The following FAM120A variants were observed in gnomAD, a reference collection of about 807,000 sequenced individuals.
FAM120A encodes the protein family with sequence similarity 120 member A.
In FAM120A, 15 loss-of-function variants were observed where a neutral mutation model predicts 109.7. The ratio of observed to expected loss-of-function variants is 0.14; its 90% confidence interval spans 0.09 to 0.21. FAM120A has a LOEUF of 0.21. Among genes scored for constraint, FAM120A ranks in the 10% least tolerant of loss-of-function variants. The probability of loss-of-function intolerance (pLI) is 1.00; values close to 1 mark genes in which losing one functional copy is unlikely to be tolerated. For synonymous variants in FAM120A, 493 were observed against 572.8 expected (o/e 0.86, Z 1.99); for missense variants, 899 against 1,439.3 (o/e 0.62, Z 6.07).
In FAM120A at chr9:93,476,168, A is replaced by G. The variant is rs1858539986; in HGVS notation, c.722-88A>G. The G allele has an allele frequency of 2.0e-5, 16 of 814,994 alleles. No homozygotes were observed. In the South Asian group the frequency reaches 2.4e-4, roughly 12 times the overall value. 50.5% of individuals were successfully genotyped at this position (814,994 alleles called of 1,614,324 possible). ...CTCAGTTTCTGTTTGAAAGTTTTCT[A>G]CTATAGGTGACAATATGCAGCACTT... On this transcript the variant is annotated intron_variant, in intron 2 of 17. Transcript: ENST00000277165.
At chr9:93,513,377 C>T (rs752504217) in intron 5 of FAM120A, among the ~76,000 whole-genome samples, 1 of 152,152 alleles carries the variant, frequency 6.6e-6, no homozygotes, top group African/African-American at 2.4e-5. Flanking sequence ...TGTATCTACG[C>T]CTGTGTGTGA....
At position 93,562,221 on chromosome 9, in the gene FAM120A, G is replaced by C. The variant is rs1862492832; in HGVS notation, c.2962G>C (p.Val988Leu). 1 of 1,613,952 alleles carries C rather than the reference G, an allele frequency of 6.2e-7. No homozygotes were observed. Among genetic ancestry groups the C allele is most frequent in the African/African-American group, 1.3e-5 (1 of 74,932 alleles). ...TCATTCATTTAGGCGTCCAAGAGGAGTTATTTCCACCCCAGTGATTAGAAC... is the reference window on the plus strand; with the variant it reads ...TCATTCATTTAGGCGTCCAAGAGGACTTATTTCCACCCCAGTGATTAGAAC... ...GGPARGRPRG[V>L]ISTPVIRTFG... The change falls in exon 17 of 18, where the codon GTT becomes CTT. Residue 988 changes from valine to leucine, a missense_variant. This residue lies in a region of FAM120A where 170 missense variants were observed against 205.0 expected (regional missense o/e 0.83). Transcript: ENST00000277165.
At chr9:93,550,076 G>A (rs1029928669) in intron 11 of FAM120A, among the ~76,000 whole-genome samples, 5 of 152,150 alleles carry the variant, frequency 3.3e-5, no homozygotes, top group African/African-American at 7.2e-5. Context: ...TCTGACTCCC[G>A]CTCACCTTGT....
At chr9:93,495,049 C>T (rs1054661368) in intron 3 of FAM120A, among the ~76,000 whole-genome samples, 10 of 152,210 alleles carry the variant, frequency 6.6e-5, no homozygotes, top group African/African-American at 2.4e-4. Context: ...TCCCATGATT[C>T]TGTACATCAG....
In FAM120A at chr9:93,452,072, TG is replaced by T. The variant is rs1207417481; in HGVS notation, c.158del (p.Cys53SerfsTer118). On this transcript the variant is annotated frameshift_variant, in exon 1 of 18. Transcript: ENST00000277165. LOFTEE classifies it high-confidence loss of function. The surrounding 1 kb of genome is among the most constrained non-coding windows in gnomAD (Gnocchi z 7.0). ...PLRLLVDADN[C>X]LHRLYGGFYT... The stretch of plus-strand genomic sequence containing the variant: ...GCGCCTGCTGGTGGACGCCGACAAC[TG>T]CCTGCACCGCCTCTACGGCGGCTTC... The T allele has an allele frequency of 6.2e-7, 1 of 1,601,870 alleles. No individual in the cohort carries two copies. The highest frequency in any genetic ancestry group is 8.5e-7 in the Non-Finnish European group (1 of 1,175,308).
intron 5 of FAM120A, among the ~76,000 whole-genome samples, chr9:93,505,051 G>GTTTTTTT (rs768552939): frequency 3.7e-5 from 3 of 81,322 alleles, no homozygotes; most frequent in East Asian, 3.3e-4. Context: ...GTTCGCTTGT[G>GTTTTTTT]TTTTTTTTTT....
At chr9:93,529,922 T>G (rs1332480943) in intron 9 of FAM120A, 1 of 520,746 alleles carries the variant, frequency 1.9e-6, no homozygotes, top group East Asian at 3.2e-5. Flanking sequence ...TGCTGTAATG[T>G]CAGGTTTAAT....
chr9:93,516,315 C>T (rs1230925455), intron 7 of FAM120A, 46 bp downstream of exon 7: 29 of 1,593,222 alleles, frequency 1.8e-5, no homozygotes, highest in Admixed American at 3.4e-5. Context: ...GGGTAGTGAC[C>T]TGGGGAAGCT....
At chr9:93,471,651 T>C (rs879194600) in intron 2 of FAM120A, among the ~76,000 whole-genome samples, 1 of 152,218 alleles carries the variant, frequency 6.6e-6, no homozygotes, top group African/African-American at 2.4e-5. Context: ...TCATTTAAGG[T>C]TTTGGAAAAC....
At chr9:93,486,140 T>C (rs1013118338) in intron 3 of FAM120A, among the ~76,000 whole-genome samples, 1 of 151,964 alleles carries the variant, frequency 6.6e-6, no homozygotes, top group African/African-American at 2.4e-5. Flanking sequence ...ACTGGGCTAA[T>C]GTTTTATTTT....
chr9:93,482,427 G>A (rs1452493102), intron 3 of FAM120A, among the ~76,000 whole-genome samples: 1 of 152,122 alleles, frequency 6.6e-6, no homozygotes, highest in African/African-American at 2.4e-5. Flanking sequence ...CTGAGCTCAC[G>A]CAATCCGCCT....
chr9:93,550,604 C>T lies in FAM120A; in HGVS notation c.2187C>T (p.Arg729=), dbSNP rs373216715. The T allele has an allele frequency of 3.3e-5, 54 of 1,613,764 alleles. No individual in the cohort carries two copies. The highest frequency in any genetic ancestry group is 4.5e-5 in the Non-Finnish European group (53 of 1,180,018). ...LRYMVQWPGA[R]ILRRQELDAF... is the part of the protein sequence containing the mutation. ...ACATGGTGCAGTGGCCGGGAGCACG[C>T]ATCCTTCGGCGTCAGGAGCTAGATG... The change falls in exon 12 of 18, where the codon CGC becomes CGT. Residue 729 remains arginine, a synonymous_variant. Transcript: ENST00000277165.
intron 17 of FAM120A, among the ~76,000 whole-genome samples, chr9:93,562,706 C>T (rs576213717): frequency 4.0e-5 from 6 of 149,252 alleles, no homozygotes; most frequent in African/African-American, 1.5e-4. Flanking sequence ...GCTCTATTGC[C>T]CAGGCTGGAG....
intron 3 of FAM120A, among the ~76,000 whole-genome samples, chr9:93,488,241 A>G (rs185570385): frequency 5.3e-5 from 8 of 152,168 alleles, no homozygotes; most frequent in East Asian, 1.9e-4. Flanking sequence ...TGTGTTTCCA[A>G]TGGTAGCTCC....
intron 7 of FAM120A, among the ~76,000 whole-genome samples, chr9:93,521,127 T>G (rs548771436): frequency 1.3e-5 from 2 of 152,312 alleles, no homozygotes; most frequent in East Asian, 3.9e-4. Flanking sequence ...TCTTGCCACA[T>G]AGTTGTGCCT....
chr9:93,509,158 A>G (rs928459903), intron 5 of FAM120A, among the ~76,000 whole-genome samples: 19 of 152,260 alleles, frequency 1.2e-4, no homozygotes, highest in Non-Finnish European at 2.2e-4. Flanking sequence ...TAGGGCAGAA[A>G]GAGTGGAAAT....
chr9:93,502,559 G>GAC (rs1459051943), intron 5 of FAM120A, among the ~76,000 whole-genome samples: 1 of 59,400 alleles, frequency 1.7e-5, no homozygotes, highest in African/African-American at 4.7e-5. Context: ...TTCTTAGGAG[G>GAC]ACACATACAC....
At chr9:93,546,211 G>A (rs565567253) in intron 11 of FAM120A, among the ~76,000 whole-genome samples, 1 of 152,292 alleles carries the variant, frequency 6.6e-6, no homozygotes, top group South Asian at 2.1e-4. Context: ...GATTCTGTGA[G>A]ATCAAATTAG....
intron 1 of FAM120A, among the ~76,000 whole-genome samples, chr9:93,462,751 G>A (rs533564352): frequency 6.6e-6 from 1 of 152,088 alleles, no homozygotes; most frequent in Non-Finnish European, 1.5e-5. Context: ...CTCTGAAGTT[G>A]TCTACCCTAT....
Sources: allele counts gnomAD v4.1 joint callset (sites outside exome capture counted in the v4.1 genomes callset), GRCh38; gene constraint gnomAD v4.1.1; regional missense constraint gnomAD v4.1.1; non-coding constraint Gnocchi (gnomAD v3.1); transcripts MANE v1.5; gene names NCBI Gene and HGNC (gene_info 2026-07-23, HGNC 2026-07-21).